DGKB: variants seen among roughly 807,000 people sequenced by gnomAD.
DGKB encodes diacylglycerol kinase beta, also known as 90 kDa diacylglycerol kinase.
DGKB carries 67 observed loss-of-function variants against 114.3 expected under a neutral mutation model. The observed-to-expected ratio is 0.59, with a 90% CI of 0.48 to 0.72. DGKB has a LOEUF of 0.72. Among genes scored for constraint, DGKB ranks in the 30% least tolerant of loss-of-function variants. DGKB has a pLI of 0.00. For synonymous variants in DGKB, 398 were observed against 323.1 expected (o/e 1.23, Z -2.49); for missense variants, 907 against 975.2 (o/e 0.93, Z 0.93).
chr7:14,665,068 C>A (rs928705918), intron 13 of DGKB, among the ~76,000 whole-genome samples: 1 of 151,872 alleles, frequency 6.6e-6, no homozygotes, highest in African/African-American at 2.4e-5. Flanking sequence ...ATGTATCATA[C>A]AACTTCAACT....
intron 20 of DGKB, among the ~76,000 whole-genome samples, chr7:14,506,493 A>G (rs1787087430): frequency 6.6e-6 from 1 of 152,226 alleles, no homozygotes; most frequent in Admixed American, 6.5e-5. Flanking sequence ...CAGGATTTAG[A>G]CGGCCTGGCT....
At chr7:14,490,173 T>C (rs1784406948) in intron 20 of DGKB, among the ~76,000 whole-genome samples, 1 of 152,078 alleles carries the variant, frequency 6.6e-6, no homozygotes. Flanking sequence ...TTTACATAAC[T>C]CAGCAAAAAT....
At chr7:14,346,400 C>G (rs1055498923) in intron 21 of DGKB, among the ~76,000 whole-genome samples, 1 of 151,738 alleles carries the variant, frequency 6.6e-6, no homozygotes. Context: ...TTATAAAATA[C>G]AAAGCAATGT....
intron 25 of DGKB, among the ~76,000 whole-genome samples, chr7:14,170,407 ATAAG>A (rs903525623): frequency 8.6e-5 from 13 of 151,988 alleles, no homozygotes; most frequent in African/African-American, 3.1e-4. Flanking sequence ...TGGAAATTAA[ATAAG>A]TAATAAACAT....
chr7:14,854,985 C>A lies in DGKB; in HGVS notation c.-187-13535G>T, dbSNP rs180920643. On this transcript the variant is annotated intron_variant, in intron 1 of 25. Coordinates refer to ENST00000402815, the MANE Select transcript of DGKB (RefSeq NM_001350709.2). ...TGAGATGTAATGCATTCAAGAGAAC[C>A]CAAGAGACACCCTTCAAATGAACAG... is the stretch of plus-strand genomic sequence containing the variant. Among the ~76,000 whole-genome samples the A allele has an allele frequency of 6.4e-3, 970 of 152,008 alleles. 11 individuals carry two copies. Among genetic ancestry groups the A allele is most frequent in the African/African-American group, 0.022 (917 of 41,440 alleles).
chr7:14,463,291 T>C (rs1002943298), intron 21 of DGKB, among the ~76,000 whole-genome samples: 1 of 152,094 alleles, frequency 6.6e-6, no homozygotes, highest in Admixed American at 6.6e-5. Context: ...ATACCTAATG[T>C]AGGTGACGGA....
At chr7:14,740,212 G>A (rs752709762) in intron 4 of DGKB, among the ~76,000 whole-genome samples, 3 of 149,856 alleles carry the variant, frequency 2.0e-5, no homozygotes, top group Non-Finnish European at 3.0e-5. Flanking sequence ...TCTTCCCCAG[G>A]CATTTCCCTG....
intron 25 of DGKB, among the ~76,000 whole-genome samples, chr7:14,173,722 CA>C (rs1450856502): frequency 1.3e-5 from 2 of 152,090 alleles, no homozygotes; most frequent in African/African-American, 4.8e-5. Context: ...ATATTCTCTT[CA>C]ATTACAGTGA....
chr7:14,426,309 T>C (rs1424931996), intron 21 of DGKB, among the ~76,000 whole-genome samples: 1 of 152,156 alleles, frequency 6.6e-6, no homozygotes, highest in Non-Finnish European at 1.5e-5. Flanking sequence ...TAAATTAAGC[T>C]AAGTGATTTA....
chr7:14,375,888 G>C (rs1260495227), intron 21 of DGKB, among the ~76,000 whole-genome samples: 1 of 152,162 alleles, frequency 6.6e-6, no homozygotes, highest in Non-Finnish European at 1.5e-5. Context: ...GTTGAATAAA[G>C]GATGAGTAAA....
At chr7:14,711,678 T>C (rs1191896459) in intron 6 of DGKB, among the ~76,000 whole-genome samples, 2 of 152,076 alleles carry the variant, frequency 1.3e-5, no homozygotes, top group African/African-American at 4.8e-5. Flanking sequence ...GAAGCATAGA[T>C]TTGCTTAGAA....
chr7:14,460,128 C>A (rs1411971198), intron 21 of DGKB, among the ~76,000 whole-genome samples: 1 of 152,132 alleles, frequency 6.6e-6, no homozygotes, highest in Non-Finnish European at 1.5e-5. Context: ...AAACTGGTAC[C>A]AGCCAATGCA....
chr7:14,242,560 C>T (rs1466081001), intron 23 of DGKB, among the ~76,000 whole-genome samples: 6 of 152,152 alleles, frequency 3.9e-5, no homozygotes, highest in African/African-American at 1.4e-4. Flanking sequence ...CACCCAGGCC[C>T]TTCAAAGCAA....
chr7:14,773,490 G>C (rs2128475348), intron 2 of DGKB, among the ~76,000 whole-genome samples: 2 of 152,140 alleles, frequency 1.3e-5, no homozygotes, highest in Non-Finnish European at 2.9e-5. Context: ...AGTAAATGAA[G>C]AATGACAGAG....
chr7:14,651,275 C>T (rs1814427537), intron 13 of DGKB, among the ~76,000 whole-genome samples: 1 of 152,114 alleles, frequency 6.6e-6, no homozygotes, highest in Admixed American at 6.5e-5. Context: ...CCGAATCCAG[C>T]AGCACATCAA....
chr7:14,283,371 C>A (rs1376920251), intron 23 of DGKB, among the ~76,000 whole-genome samples: 21 of 150,740 alleles, frequency 1.4e-4, no homozygotes, highest in Admixed American at 5.6e-4. Flanking sequence ...AGAGGATACA[C>A]ACAAATGGAA....
At chr7:14,843,042 T>C (rs1225191952) in intron 1 of DGKB, among the ~76,000 whole-genome samples, 4 of 151,790 alleles carry the variant, frequency 2.6e-5, no homozygotes, top group Non-Finnish European at 4.4e-5. Flanking sequence ...ACCCCATCTC[T>C]ACAAAAAAAA....
At chr7:14,931,263 C>T (rs1483461191) in intron 1 of DGKB, among the ~76,000 whole-genome samples, 7 of 152,130 alleles carry the variant, frequency 4.6e-5, no homozygotes, top group Non-Finnish European at 5.9e-5. Flanking sequence ...AGGCGTGCGC[C>T]TCCAAGCCCA....
intron 12 of DGKB, among the ~76,000 whole-genome samples, chr7:14,678,525 C>T (rs574825995): frequency 9.2e-5 from 14 of 152,022 alleles, no homozygotes; most frequent in Non-Finnish European, 2.1e-4. Context: ...ACAGCTATGG[C>T]AGAGGGTGTG....
Sources: allele counts gnomAD v4.1 joint callset (sites outside exome capture counted in the v4.1 genomes callset), GRCh38; gene constraint gnomAD v4.1.1; transcripts MANE v1.5; gene names NCBI Gene and HGNC (gene_info 2026-07-23, HGNC 2026-07-21).